Variants in THSD7B observed in about 807,000 individuals in gnomAD.
THSD7B encodes the protein thrombospondin type 1 domain containing 7B.
In THSD7B, 138 loss-of-function variants were observed where a neutral mutation model predicts 213.6. That is an observed-to-expected ratio of 0.65 (90% CI 0.56 to 0.74). The LOEUF is 0.74. THSD7B is among the 30% of genes least tolerant of loss of function. THSD7B has a pLI of 0.00. For missense variants in THSD7B, 1,931 were observed against 1,991.5 expected (o/e 0.97, Z 0.58); for synonymous variants, 742 against 687.0 (o/e 1.08, Z -1.25).
At chr2:137,047,390 T>C (rs1248235721) in intron 2 of THSD7B, among the ~76,000 whole-genome samples, 1 of 152,236 alleles carries the variant, frequency 6.6e-6, no homozygotes, top group Non-Finnish European at 1.5e-5. Flanking sequence ...GCCATGTTGT[T>C]ACCGAGCACA....
chr2:137,141,684 C>T (rs993375858), intron 5 of THSD7B, among the ~76,000 whole-genome samples: 6 of 150,464 alleles, frequency 4.0e-5, no homozygotes, highest in South Asian at 2.1e-4. Flanking sequence ...TGTGTATGTG[C>T]GTGTGTGTGT....
At chr2:136,970,466 A>AAAC (rs1474169552) in intron 2 of THSD7B, among the ~76,000 whole-genome samples, 1 of 152,114 alleles carries the variant, frequency 6.6e-6, no homozygotes, top group African/African-American at 2.4e-5. Flanking sequence ...CTGTCTCAAA[A>AAAC]AAACAAACAA....
intron 12 of THSD7B, among the ~76,000 whole-genome samples, chr2:137,323,027 A>G (rs917164866): frequency 2.0e-5 from 3 of 152,166 alleles, no homozygotes; most frequent in Admixed American, 2.0e-4. Context: ...ATGTGGCTCC[A>G]TATTCCTGAC....
intron 6 of THSD7B, among the ~76,000 whole-genome samples, chr2:137,163,865 T>C (rs1022508405): frequency 7.9e-5 from 12 of 152,210 alleles, no homozygotes; most frequent in Non-Finnish European, 1.6e-4. Context: ...GGTAATTTAA[T>C]GATGGCCATG....
intron 1 of THSD7B, among the ~76,000 whole-genome samples, chr2:136,813,600 A>C (rs905538466): frequency 2.6e-5 from 4 of 152,156 alleles, no homozygotes; most frequent in African/African-American, 9.7e-5. Flanking sequence ...TACAAATAAT[A>C]TTTATGAAAA....
chr2:137,581,861 G>T (rs951840689), intron 17 of THSD7B, among the ~76,000 whole-genome samples: 4 of 151,806 alleles, frequency 2.6e-5, no homozygotes, highest in East Asian at 3.9e-4. Context: ...ATTTTGGGAG[G>T]CTGAGGCAGG....
chr2:137,084,006 G>C (rs1687793348), intron 3 of THSD7B, among the ~76,000 whole-genome samples: 1 of 152,036 alleles, frequency 6.6e-6, no homozygotes, highest in South Asian at 2.1e-4. Flanking sequence ...ACATAATTTA[G>C]AACAAAATTA....
intron 3 of THSD7B, among the ~76,000 whole-genome samples, chr2:137,073,176 A>G (rs1021887343): frequency 1.3e-5 from 2 of 152,164 alleles, no homozygotes; most frequent in African/African-American, 4.8e-5. Context: ...TTCAGAAGGA[A>G]TGGTACCAGT....
At chr2:137,533,472 C>T (rs1358215213) in intron 15 of THSD7B, among the ~76,000 whole-genome samples, 1 of 151,826 alleles carries the variant, frequency 6.6e-6, no homozygotes, top group East Asian at 1.9e-4. Flanking sequence ...AAAACTTCAA[C>T]TATTCTGACA....
rs1382703181 is a variant in THSD7B, at chr2:137,272,649, T to C, written c.2383T>C (p.Cys795Arg). Residue 795 changes from cysteine (C) to arginine (R), a missense_variant, in exon 11 of 28, where the codon TGT becomes CGT. Cys to Arg is a radical substitution (Grantham distance 180, BLOSUM62 -3). Transcript: ENST00000409968. ...EERECEDVSL[C>R]PVYRWKPQKW... ...GAGAGAGTGTGAAGATGTTTCCTTGTGTCCTGTATATCGGCAAGTAGTTAC... is the reference window on the plus strand; with the variant it reads ...GAGAGAGTGTGAAGATGTTTCCTTGCGTCCTGTATATCGGCAAGTAGTTAC... The C allele has an allele frequency of 6.2e-7, 1 of 1,611,578 alleles. No homozygotes were observed. The highest frequency in any genetic ancestry group is 2.2e-5 in the East Asian group (1 of 44,794).
intron 3 of THSD7B, among the ~76,000 whole-genome samples, chr2:137,075,986 G>C (rs934501115): frequency 6.6e-6 from 1 of 152,194 alleles, no homozygotes; most frequent in Non-Finnish European, 1.5e-5. Context: ...TAAGGTGTCT[G>C]TCTGCCCCTA....
intron 4 of THSD7B, among the ~76,000 whole-genome samples, chr2:137,112,109 G>A (rs1688358412): frequency 6.6e-6 from 1 of 152,068 alleles, no homozygotes; most frequent in South Asian, 2.1e-4. Flanking sequence ...TAGCTGAGTG[G>A]GCTCCTTTGA....
intron 5 of THSD7B, among the ~76,000 whole-genome samples, chr2:137,159,446 T>C (rs892167118): frequency 1.3e-5 from 2 of 150,698 alleles, no homozygotes; most frequent in Non-Finnish European, 3.0e-5. Flanking sequence ...ATTAATTAAT[T>C]AATTAATTAA....
intron 9 of THSD7B, among the ~76,000 whole-genome samples, chr2:137,241,028 T>C (rs772946098): frequency 6.6e-6 from 1 of 152,206 alleles, no homozygotes; most frequent in African/African-American, 2.4e-5. Flanking sequence ...TGGTGTTTTT[T>C]CAATCATAAT....
At position 137,180,113 on chromosome 2, in the gene THSD7B, T is replaced by C. The variant is rs1680427367; in HGVS notation, c.1723+9175T>C. ...AGAGGGACTTGAACAAGGAAGGGTG[T>C]TGTTTTAATTGCTGCTGTGATCCAT... On this transcript the variant is annotated intron_variant, in intron 7 of 27. Transcript: ENST00000409968. Among the ~76,000 whole-genome samples, 4 of 152,140 alleles carry C rather than the reference T, an allele frequency of 2.6e-5. No individual in the cohort carries two copies. The South Asian group carries it at 8.3e-4, about 31-fold the overall frequency.
At chr2:137,237,336 T>C (rs1251885872) in intron 9 of THSD7B, among the ~76,000 whole-genome samples, 3 of 152,192 alleles carry the variant, frequency 2.0e-5, no homozygotes, top group Admixed American at 2.0e-4. Context: ...AAAAAGTGAA[T>C]CCATCTGTTT....
chr2:137,415,094 A>T (rs1376177219), intron 14 of THSD7B, among the ~76,000 whole-genome samples: 1 of 151,878 alleles, frequency 6.6e-6, no homozygotes, highest in African/African-American at 2.4e-5. Flanking sequence ...GCAAACTGAG[A>T]CACAGGATAA....
chr2:136,897,155 T>G (rs2105007831), intron 2 of THSD7B, among the ~76,000 whole-genome samples: 1 of 152,264 alleles, frequency 6.6e-6, no homozygotes, highest in African/African-American at 2.4e-5. Flanking sequence ...AAGGTCTCAC[T>G]GTGTTGCCTA....
intron 12 of THSD7B, among the ~76,000 whole-genome samples, chr2:137,393,556 A>C (rs1348050901): frequency 6.7e-6 from 1 of 148,424 alleles, no homozygotes; most frequent in Non-Finnish European, 1.5e-5. Context: ...AATCCAGTCT[A>C]TCATTGTTGG....
Sources: gnomAD v4.1 joint callset for allele counts (sites outside exome capture counted in the v4.1 genomes callset) on GRCh38, gnomAD v4.1.1 for gene constraint, MANE v1.5 for transcripts, NCBI Gene and HGNC (gene_info 2026-07-23, HGNC 2026-07-21) for gene names.